Variants in CNTN1 observed in about 807,000 individuals in gnomAD.
The protein encoded by CNTN1 is contactin-1.
In CNTN1, 38 loss-of-function variants were observed where a neutral mutation model predicts 126.4. That is an observed-to-expected ratio of 0.30 (90% confidence interval 0.23 to 0.39). The LOEUF is 0.39. Ranked by LOEUF, CNTN1 falls within the 10% of genes least tolerant of loss-of-function variation. The probability of loss-of-function intolerance (pLI) is 1.00; values close to 1 mark genes in which losing one functional copy is unlikely to be tolerated. For missense variants in CNTN1, 1,009 were observed against 1,248.4 expected, an observed-to-expected ratio of 0.81 and a Z score of 2.89; for synonymous variants, 413 against 422.6, an observed-to-expected ratio of 0.98 and a Z score of 0.28.
chr12:41,008,476 GTCA>G (rs1484724190), intron 17 of CNTN1, among the ~76,000 whole-genome samples: 2 of 151,956 alleles, frequency 1.3e-5, no homozygotes, highest in African/African-American at 4.8e-5. Context: ...TCTGGTCTAG[GTCA>G]TCTTTTTTAA....
chr12:40,717,179 G>C (rs1456969718), intron 1 of CNTN1, among the ~76,000 whole-genome samples: 1 of 152,074 alleles, frequency 6.6e-6, no homozygotes, highest in Non-Finnish European at 1.5e-5. Flanking sequence ...CCTGAACCCA[G>C]TACAAGCAAA....
intron 14 of CNTN1, among the ~76,000 whole-genome samples, chr12:40,948,169 T>C (rs1337138604): frequency 6.6e-6 from 1 of 151,810 alleles, no homozygotes; most frequent in East Asian, 1.9e-4. Flanking sequence ...GAATAAAGTA[T>C]ATAAGTGGTT....
chr12:41,036,943 T>C (rs186435099), intron 23 of CNTN1, among the ~76,000 whole-genome samples: 1 of 152,306 alleles, frequency 6.6e-6, no homozygotes, highest in Non-Finnish European at 1.5e-5. Flanking sequence ...TAAGCAAAAA[T>C]ACTATTTCAC....
chr12:40,882,872 T>C (rs1251816389), intron 1 of CNTN1, among the ~76,000 whole-genome samples: 2 of 151,682 alleles, frequency 1.3e-5, no homozygotes, highest in Non-Finnish European at 3.0e-5. Flanking sequence ...TTTGCACATA[T>C]GAAGCTTTGA....
chr12:40,982,803 A>T (rs1238367321), intron 16 of CNTN1, among the ~76,000 whole-genome samples: 1 of 152,134 alleles, frequency 6.6e-6, no homozygotes, highest in Non-Finnish European at 1.5e-5. Flanking sequence ...TGCTAGAGAG[A>T]AACAACAGAA....
chr12:41,032,925 G>A (rs1949177848), intron 23 of CNTN1, among the ~76,000 whole-genome samples: 1 of 152,092 alleles, frequency 6.6e-6, no homozygotes, highest in African/African-American at 2.4e-5. Flanking sequence ...AATAACTGTT[G>A]AATTAATTCA....
At chr12:40,947,095 T>C (rs1946461463) in intron 14 of CNTN1, among the ~76,000 whole-genome samples, 1 of 152,022 alleles carries the variant, frequency 6.6e-6, no homozygotes, top group African/African-American at 2.4e-5. Flanking sequence ...GTAATCCTAC[T>C]TTATGTAAAA....
At chr12:40,863,931 C>CTTCCTCCCTCT (rs1943202265) in intron 1 of CNTN1, among the ~76,000 whole-genome samples, 3 of 146,088 alleles carry the variant, frequency 2.1e-5, no homozygotes, top group African/African-American at 7.7e-5. Context: ...TTCCTTCCTC[C>CTTCCTCCCTCT]CTCCCTCCCT....
intron 1 of CNTN1, among the ~76,000 whole-genome samples, chr12:40,723,947 A>T (rs1942285060): frequency 6.6e-6 from 1 of 152,192 alleles, no homozygotes; most frequent in Admixed American, 6.5e-5. Context: ...AGAGAAAGAG[A>T]ATTATAAATT....
chr12:40,925,560 C>T (rs926059602), intron 6 of CNTN1, among the ~76,000 whole-genome samples: 4 of 114,362 alleles, frequency 3.5e-5, no homozygotes, highest in East Asian at 2.4e-4. Context: ...TATATATACA[C>T]GTATATATAC....
chr12:41,061,607 T>A (rs1592481926), intron 23 of CNTN1, among the ~76,000 whole-genome samples: 1 of 152,332 alleles, frequency 6.6e-6, no homozygotes, highest in South Asian at 2.1e-4. Context: ...CAACTTTGAT[T>A]AGCATAAATA....
intron 1 of CNTN1, among the ~76,000 whole-genome samples, chr12:40,791,180 C>CT: frequency 6.6e-6 from 1 of 152,184 alleles, no homozygotes; most frequent in Admixed American, 6.6e-5. Flanking sequence ...AGTTCATCAA[C>CT]TTTTTTTGTT....
chr12:40,893,108 AAG>A (rs1944298190), intron 1 of CNTN1, among the ~76,000 whole-genome samples: 1 of 152,094 alleles, frequency 6.6e-6, no homozygotes, highest in East Asian at 1.9e-4. Context: ...AAATGTAAGT[AAG>A]TATATCACCT....
At chr12:40,707,530 G>A (rs1397414704) in intron 1 of CNTN1, among the ~76,000 whole-genome samples, 1 of 152,028 alleles carries the variant, frequency 6.6e-6, no homozygotes, top group Non-Finnish European at 1.5e-5. Flanking sequence ...GGGATTACAG[G>A]CTTCCTCTTT....
intron 1 of CNTN1, among the ~76,000 whole-genome samples, chr12:40,786,645 A>G (rs973488087): frequency 2.0e-5 from 3 of 152,184 alleles, no homozygotes; most frequent in African/African-American, 7.2e-5. Context: ...AGGATAAATT[A>G]AAAGAAAATT....
intron 1 of CNTN1, among the ~76,000 whole-genome samples, chr12:40,856,425 G>T (rs1164682540): frequency 6.6e-6 from 1 of 152,114 alleles, no homozygotes; most frequent in Admixed American, 6.6e-5. Flanking sequence ...CCTCTGGAGA[G>T]TAGAAAATCG....
At chr12:41,063,783 T>C (rs992741762) in intron 23 of CNTN1, among the ~76,000 whole-genome samples, 2 of 152,192 alleles carry the variant, frequency 1.3e-5, no homozygotes, top group African/African-American at 2.4e-5. Flanking sequence ...GAATTTTTCA[T>C]TAGTGTTGGG....
At chr12:40,737,359 G>GTATA (rs57273919) in intron 1 of CNTN1, among the ~76,000 whole-genome samples, 14,778 of 113,122 alleles carry the variant, frequency 0.13, 1,132 homozygotes, top group Non-Finnish European at 0.17. Flanking sequence ...ATGTGTGTGT[G>GTATA]TATATATATA....
At chr12:41,028,220 C>G (rs1020466696) in intron 22 of CNTN1, among the ~76,000 whole-genome samples, 1 of 151,948 alleles carries the variant, frequency 6.6e-6, no homozygotes, top group Non-Finnish European at 1.5e-5. Flanking sequence ...TTAGTAGAGA[C>G]AGGGTTTCAC....
Sources: gnomAD v4.1 joint callset for allele counts (sites outside exome capture counted in the v4.1 genomes callset) on GRCh38, gnomAD v4.1.1 for gene constraint, MANE v1.5 for transcripts, NCBI Gene and HGNC (gene_info 2026-07-23, HGNC 2026-07-21) for gene names.